The following TSHZ3 variants were observed in gnomAD, a reference collection of about 807,000 sequenced individuals.
TSHZ3 encodes teashirt homolog 3.
A neutral mutation model predicts 64.5 loss-of-function variants in TSHZ3; 10 were observed. That is an observed-to-expected ratio of 0.16 (90% CI 0.10 to 0.26). The LOEUF (loss-of-function observed/expected upper bound fraction) is 0.26. Among genes scored for constraint, TSHZ3 ranks in the 10% least tolerant of loss-of-function variants. The pLI is 1.00. For synonymous variants in TSHZ3, 608 were observed against 593.1 expected (o/e 1.03, Z -0.36); for missense variants, 1,242 against 1,421.7 (o/e 0.87, Z 2.03).
At chr19:31,183,445 T>C (rs1434009705) in intron 5 of TSHZ3, among the ~76,000 whole-genome samples, 1 of 152,138 alleles carries the variant, frequency 6.6e-6, no homozygotes, top group Non-Finnish European at 1.5e-5. Context: ...AAGACTACTC[T>C]GAGAATCAGA....
chr19:31,152,323 A>C lies in TSHZ3; in HGVS notation n.872-579T>G, dbSNP rs1974252343. 2.6e-5 allele frequency among the ~76,000 whole-genome samples: 4 copies of C among 151,290 alleles called. No individual in the cohort carries two copies. The Admixed American group carries it at 2.6e-4, about 10-fold the overall frequency. ...GTGTGTGTGTGCATGTTTATGTGGA[A>C]GGTGCTTCTGTTTTTTGTCAGCCCA... On this transcript the variant is annotated intron_variant and non_coding_transcript_variant, in intron 6 of 6. Transcript: ENST00000651361.
chr19:31,197,214 T>C (rs1171700679), intron 5 of TSHZ3, among the ~76,000 whole-genome samples: 1 of 151,728 alleles, frequency 6.6e-6, no homozygotes, highest in Non-Finnish European at 1.5e-5. Context: ...TAACACATGG[T>C]CAAAAAATAA....
intron 1 of TSHZ3, among the ~76,000 whole-genome samples, chr19:31,326,760 G>C: frequency 6.6e-6 from 1 of 152,204 alleles, no homozygotes; most frequent in Non-Finnish European, 1.5e-5. Flanking sequence ...GGAGGGAAAG[G>C]CAGTTCCTCT....
downstream of TSHZ3, among the ~76,000 whole-genome samples, chr19:31,273,841 T>C (rs1000397784): frequency 7.9e-5 from 12 of 152,234 alleles, no homozygotes; most frequent in Admixed American, 1.3e-4. Flanking sequence ...GCACAGGCCC[T>C]GCACCAGGAG....
chr19:31,337,480 T>A (rs948445709), intron 1 of TSHZ3, among the ~76,000 whole-genome samples: 7 of 152,188 alleles, frequency 4.6e-5, no homozygotes, highest in Non-Finnish European at 1.0e-4. Flanking sequence ...TGTACTCCAA[T>A]CACCTTCAAC....
intron 1 of TSHZ3, among the ~76,000 whole-genome samples, chr19:31,295,653 A>C (rs1241563506): frequency 6.6e-6 from 1 of 152,128 alleles, no homozygotes; most frequent in Non-Finnish European, 1.5e-5. Context: ...CTGGAACACG[A>C]AATGTTCTGC....
chr19:31,305,903 G>A (rs1916276938), intron 1 of TSHZ3: 2 of 151,962 alleles, frequency 1.3e-5, no homozygotes, highest in Admixed American at 1.3e-4. Flanking sequence ...AAGAATATCT[G>A]TTTTTAAAAA....
chr19:31,218,362 C>T (rs1017635149), intron 4 of TSHZ3, among the ~76,000 whole-genome samples: 1 of 152,196 alleles, frequency 6.6e-6, no homozygotes, highest in Non-Finnish European at 1.5e-5. Context: ...TGCCACCACA[C>T]ATCTATTAGC....
chr19:31,206,116 G>A (rs905894417), intron 4 of TSHZ3, among the ~76,000 whole-genome samples: 1 of 149,824 alleles, frequency 6.7e-6, no homozygotes, highest in Non-Finnish European at 1.5e-5. Context: ...TGGATGGATG[G>A]ATGGATGGAT....
intron 5 of TSHZ3, among the ~76,000 whole-genome samples, chr19:31,202,882 T>C (rs539573490): frequency 6.6e-6 from 1 of 152,218 alleles, no homozygotes; most frequent in Non-Finnish European, 1.5e-5. Context: ...TGAAACACTG[T>C]TTATTGAGTA....
At chr19:31,173,914 T>C (rs1365576776) in intron 5 of TSHZ3, among the ~76,000 whole-genome samples, 2 of 151,764 alleles carry the variant, frequency 1.3e-5, no homozygotes, top group African/African-American at 4.8e-5. Context: ...TACTAAAAAG[T>C]CAAAAATGAG....
chr19:31,277,573 G>T lies in TSHZ3; in HGVS notation c.2220C>A (p.Ser740=), dbSNP rs770296214. The part of the protein sequence containing the change: ...NIHLGKAAKP[S]LPALDPMSML... The stretch of plus-strand genomic sequence containing the variant: ...TGCTCATGGGGTCCAGGGCAGGCAG[G>T]GAGGGCTTGGCGGCCTTGCCCAGGT... The change falls in exon 2 of 2, where the codon TCC becomes TCA. Residue 740 remains serine, a synonymous_variant. Transcript: ENST00000240587. The surrounding 1 kb of genome is among the most constrained non-coding windows in gnomAD (Gnocchi z 4.5). The T allele has an allele frequency of 1.3e-6, 2 of 1,598,250 alleles. No individual in the cohort carries two copies. Among genetic ancestry groups the T allele is most frequent in the East Asian group, 4.5e-5 (2 of 44,662 alleles).
At chr19:31,270,553 G>A (rs1976121573), downstream of TSHZ3, among the ~76,000 whole-genome samples, 1 of 152,178 alleles carries the variant, frequency 6.6e-6, no homozygotes, top group Non-Finnish European at 1.5e-5. Flanking sequence ...GGCCTCAAGT[G>A]ATTCTCCCAC....
chr19:31,231,725 G>A (rs183921428), intron 3 of TSHZ3, among the ~76,000 whole-genome samples: 4 of 152,182 alleles, frequency 2.6e-5, no homozygotes. Flanking sequence ...CTTTATAGGG[G>A]AGGAAATGGA....
chr19:31,182,207 G>A (rs987239274), intron 5 of TSHZ3, among the ~76,000 whole-genome samples: 9 of 152,204 alleles, frequency 5.9e-5, no homozygotes, highest in Non-Finnish European at 1.2e-4. Flanking sequence ...CAGAGGCATT[G>A]AGAGCAGGTT....
At chr19:31,251,435 GC>G (rs1394363581) in intron 1 of TSHZ3, among the ~76,000 whole-genome samples, 2 of 152,118 alleles carry the variant, frequency 1.3e-5, no homozygotes, top group African/African-American at 4.8e-5. Context: ...GCCTCACCCT[GC>G]CTCCTGCTCC....
intron 1 of TSHZ3, among the ~76,000 whole-genome samples, chr19:31,288,243 T>C (rs1459877952): frequency 6.6e-6 from 1 of 152,180 alleles, no homozygotes; most frequent in East Asian, 1.9e-4. Context: ...CCAGGACTCA[T>C]GCACACCAGT....
rs376385830 is a variant in TSHZ3 at position 31,167,094 on chromosome 19, G to A, written n.810-10677C>T. 6.8e-4 allele frequency among the ~76,000 whole-genome samples: 104 copies of A among 152,280 alleles called. No homozygotes were observed. The South Asian group carries it at 0.021, about 31-fold the overall frequency. The stretch of plus-strand genomic sequence containing the variant: ...CAGAAGTTATGCTACAGGGCTTCAC[G>A]CAGTAGGGCTTTTTGAGAAGATGGA... On this transcript the variant is annotated intron_variant and non_coding_transcript_variant, in intron 5 of 6. Transcript: ENST00000651361.
chr19:31,339,889 T>G (rs779185669), intron 1 of TSHZ3, among the ~76,000 whole-genome samples: 32 of 134,852 alleles, frequency 2.4e-4, no homozygotes, highest in Non-Finnish European at 3.8e-4. Flanking sequence ...GTGGGTTATT[T>G]AAAAAAATTG....
Sources: allele counts gnomAD v4.1 joint callset (sites outside exome capture counted in the v4.1 genomes callset), GRCh38; gene constraint gnomAD v4.1.1; non-coding constraint Gnocchi (gnomAD v3.1); transcripts MANE v1.5; gene names NCBI Gene and HGNC (gene_info 2026-07-23, HGNC 2026-07-21).